BRI3: variants seen among roughly 807,000 people sequenced by gnomAD.
BRI3 encodes brain protein I3.
Under a neutral mutation model 12.8 loss-of-function variants are expected in BRI3, and 6 were observed. That is an observed-to-expected ratio of 0.47 (90% CI 0.26 to 0.93). The LOEUF is 0.93. BRI3 is among the 40% of genes least tolerant of loss of function. The pLI is 0.15. For synonymous variants in BRI3, 91 were observed against 76.1 expected, an observed-to-expected ratio of 1.20 and a Z score of -1.02; for missense variants, 134 against 171.1, an observed-to-expected ratio of 0.78 and a Z score of 1.21.
exon 2 of BRI3, chr7:98,307,591 A>C: frequency 6.5e-7 from 1 of 1,535,296 alleles, no homozygotes; most frequent in Non-Finnish European, 8.8e-7. Context: ...AACTTTGGCT[A>C]AAATGTGAGC....
At position 98,281,849 on chromosome 7, in the gene BRI3, C is replaced by T. The variant is rs1412983332; in HGVS notation, c.54C>T (p.Ala18=). The T allele has an allele frequency of 6.9e-6, 9 of 1,300,124 alleles. No homozygotes were observed. Among genetic ancestry groups the T allele is most frequent in the East Asian group, 6.3e-5 (2 of 31,688 alleles). The allele number at this position is 1,300,124 out of a possible 1,614,324, so 80.5% of individuals were successfully genotyped here. Residue 18 remains alanine (A), a synonymous_variant, in exon 1 of 3, where the codon GCC becomes GCT. Coordinates refer to ENST00000297290, the MANE Select transcript of BRI3 (RefSeq NM_015379.5). ...GGCCGCCCGCCTACAACCTGGAGGC[C>T]GGCCAGGGCGACTACGCGTGCGGCC... ...QERPPAYNLE[A]GQGDYACGPH...
chr7:98,313,967 T>G (rs2116883410), downstream of BRI3, among the ~76,000 whole-genome samples: 1 of 146,174 alleles, frequency 6.8e-6, no homozygotes, highest in Non-Finnish European at 1.5e-5. Flanking sequence ...GGGAGCTGAA[T>G]ACTCCTTTTT....
intron 2 of BRI3, among the ~76,000 whole-genome samples, chr7:98,284,144 T>C (rs192569962): frequency 6.6e-6 from 1 of 152,326 alleles, no homozygotes; most frequent in East Asian, 1.9e-4. Flanking sequence ...CACTGCTCTC[T>C]GCCTCTGGGC....
chr7:98,321,913 C>G, the BRI3 span, among the ~76,000 whole-genome samples: 1 of 152,032 alleles, frequency 6.6e-6, no homozygotes, highest in Non-Finnish European at 1.5e-5. Context: ...CTGGCCAACA[C>G]GGTGAAACCC....
At chr7:98,289,043 C>G (rs149465870) in intron 2 of BRI3, among the ~76,000 whole-genome samples, 118 of 152,252 alleles carry the variant, frequency 7.8e-4, no homozygotes, top group Non-Finnish European at 1.4e-3. Context: ...TCACTGCAAC[C>G]TCTGCCTCCC....
downstream of BRI3, among the ~76,000 whole-genome samples, chr7:98,296,624 TAAAAAACA>T (rs369831509): frequency 5.9e-5 from 9 of 151,988 alleles, no homozygotes; most frequent in South Asian, 6.3e-4. Flanking sequence ...ACTCCATCTG[TAAAAAACA>T]AAAAAACAAA....
At chr7:98,282,639 C>T in intron 2 of BRI3, 186 bp downstream of exon 2, 2 of 585,802 alleles carry the variant, frequency 3.4e-6, no homozygotes, top group South Asian at 4.1e-5. Flanking sequence ...GTCCGCTCAC[C>T]CTTGGCTCTG....
At chr7:98,323,406 T>G in the BRI3 span, 1 of 152,188 alleles carries the variant, frequency 6.6e-6, no homozygotes, top group South Asian at 2.1e-4. Context: ...TTAAAATACA[T>G]AAATAAATAA....
intron 1 of BRI3, among the ~76,000 whole-genome samples, chr7:98,301,096 GTCTCA>G (rs1406412117): frequency 6.6e-6 from 1 of 152,126 alleles, no homozygotes; most frequent in African/African-American, 2.4e-5. Flanking sequence ...TGATGGGACG[GTCTCA>G]TCTCTGTCCA....
downstream of BRI3, chr7:98,310,631 G>A (rs1334673267): frequency 6.8e-7 from 1 of 1,464,608 alleles, no homozygotes; most frequent in African/African-American, 1.5e-5. Flanking sequence ...TTAGTATAGT[G>A]CAGAACCGGA....
chr7:98,308,163 C>G, exon 2 of BRI3: 1 of 608,544 alleles, frequency 1.6e-6, no homozygotes, highest in Non-Finnish European at 3.1e-6. Context: ...GGCCCAAGGA[C>G]AAGGCGGTGT....
chr7:98,291,337 G>C lies in BRI3; in HGVS notation c.*94G>C, dbSNP rs957395659. ...TTTTATTTGATTAAGCTTCAGGACT[G>C]TTTTGTAAAGCGAGGTGGGACCGAT... On this transcript the variant is annotated 3_prime_UTR_variant, in exon 3 of 3. Coordinates refer to ENST00000297290, the MANE Select transcript of BRI3 (RefSeq NM_015379.5). The C allele has an allele frequency of 1.0e-5, 16 of 1,555,710 alleles. No individual in the cohort carries two copies. The Admixed American group carries it at 1.3e-4, about 13-fold the overall frequency.
chr7:98,290,407 G>C (rs918140729), intron 2 of BRI3, among the ~76,000 whole-genome samples: 3 of 151,890 alleles, frequency 2.0e-5, no homozygotes, highest in Non-Finnish European at 4.4e-5. Flanking sequence ...TTGTTAGCCA[G>C]GATGGTCTCG....
At chr7:98,304,937 C>T (rs1454162338), upstream of BRI3, among the ~76,000 whole-genome samples, 1 of 150,046 alleles carries the variant, frequency 6.7e-6, no homozygotes, top group Non-Finnish European at 1.5e-5. Flanking sequence ...GCGATCTTGG[C>T]TCACTGCAAC....
At chr7:98,285,021 C>T (rs930656745) in intron 2 of BRI3, among the ~76,000 whole-genome samples, 1 of 152,112 alleles carries the variant, frequency 6.6e-6, no homozygotes. Context: ...GCAGAGCCTG[C>T]GTCCTGCAAG....
At chr7:98,308,371 T>TCA (rs944466582) in exon 2 of BRI3, 1 of 441,298 alleles carries the variant, frequency 2.3e-6, no homozygotes, top group Non-Finnish European at 4.6e-6. Flanking sequence ...GCTCAGCTTC[T>TCA]CACCCCCAGG....
downstream of BRI3, among the ~76,000 whole-genome samples, chr7:98,297,107 G>T (rs1004983141): frequency 2.6e-5 from 4 of 152,252 alleles, no homozygotes; most frequent in African/African-American, 9.6e-5. Flanking sequence ...GCCACTACGA[G>T]AGTGGTTGGG....
downstream of BRI3, among the ~76,000 whole-genome samples, chr7:98,296,894 C>G (rs1447883411): frequency 6.6e-6 from 1 of 152,218 alleles, no homozygotes; most frequent in Non-Finnish European, 1.5e-5. Flanking sequence ...GTCCCTGTCT[C>G]AACCGCATAC....
At chr7:98,308,671 T>A (rs573240455) in exon 2 of BRI3, 93 of 230,716 alleles carry the variant, frequency 4.0e-4, no homozygotes, top group Middle Eastern at 1.7e-3. Flanking sequence ...GAAAAAAATA[T>A]ATATATATGT....
Sources: allele counts gnomAD v4.1 joint callset (sites outside exome capture counted in the v4.1 genomes callset), GRCh38; gene constraint gnomAD v4.1.1; transcripts MANE v1.5; gene names NCBI Gene and HGNC (gene_info 2026-07-23, HGNC 2026-07-21).